FNDC1: variants seen among roughly 807,000 people sequenced by gnomAD.
FNDC1 encodes fibronectin type III domain-containing protein 1.
A neutral mutation model predicts 168.0 loss-of-function variants in FNDC1; 96 were observed. The ratio of observed to expected loss-of-function variants is 0.57; its 90% CI spans 0.48 to 0.68. The LOEUF is 0.68. Among genes scored for constraint, FNDC1 ranks in the 30% least tolerant of loss-of-function variants. The pLI, the probability that FNDC1 is intolerant of heterozygous loss-of-function variation, is 0.00. For missense variants in FNDC1, 2,587 were observed against 2,482.1 expected (o/e 1.04, Z -0.90); for synonymous variants, 1,099 against 1,025.9 (o/e 1.07, Z -1.36).
chr6:159,204,083 C>T (rs527699132), intron 4 of FNDC1, among the ~76,000 whole-genome samples: 15 of 152,186 alleles, frequency 9.9e-5, no homozygotes, highest in Admixed American at 2.6e-4. Flanking sequence ...TATTTTAGTT[C>T]GCGACGCTTG....
chr6:159,247,099 G>C (rs1192855248), intron 15 of FNDC1, 130 bp downstream of exon 15: 1 of 703,128 alleles, frequency 1.4e-6, no homozygotes, highest in African/African-American at 1.8e-5. Context: ...AATGCCGAGG[G>C]CTGGCTTAGG....
intron 1 of FNDC1, among the ~76,000 whole-genome samples, chr6:159,182,235 C>T (rs569545713): frequency 2.0e-5 from 3 of 152,262 alleles, no homozygotes; most frequent in South Asian, 2.1e-4. Flanking sequence ...AACAAGCATG[C>T]GGAATCTGAC....
intron 12 of FNDC1, among the ~76,000 whole-genome samples, chr6:159,236,783 T>C (rs776587402): frequency 6.6e-6 from 1 of 152,224 alleles, no homozygotes; most frequent in East Asian, 1.9e-4. Context: ...AAACCCTGAA[T>C]GATACTGGAA....
rs767205263 is a variant in FNDC1, at chr6:159,233,220, C to G, written c.2708C>G (p.Ser903Cys). The change falls in exon 11 of 23, where the codon TCC (serine) becomes TGC (cysteine). Residue 903 changes from serine (S) to cysteine (C), a missense_variant. Coordinates refer to ENST00000297267, the MANE Select transcript of FNDC1 (RefSeq NM_032532.3). This position sits in a 1 kb window ranked among gnomAD's most constrained non-coding sequence, Gnocchi z 4.6. ...HVPSSSRQPI[S>C]RGWEDLRRSP... ...CCTTCCTCCTCCAGGCAGCCCATCT[C>G]CCGGGGCTGGGAGGACTTAAGGAGA... The G allele has an allele frequency of 6.2e-7, 1 of 1,613,578 alleles. No individual in the cohort carries two copies. The highest frequency in any genetic ancestry group is 1.3e-5 in the African/African-American group (1 of 74,914).
chr6:159,251,267 C>T (rs1479181611), intron 16 of FNDC1, 35 bp from the exon 17 acceptor site: 3 of 1,536,802 alleles, frequency 2.0e-6, no homozygotes, highest in African/African-American at 2.7e-5. Context: ...AAAAAGCCTC[C>T]AGCAATCCAA....
chr6:159,232,985 T>A lies in FNDC1; in HGVS notation c.2473T>A (p.Phe825Ile). The change falls in exon 11 of 23, where the codon TTT becomes ATT. Residue 825 changes from phenylalanine to isoleucine, a missense_variant. Physicochemically the swap from Phe to Ile is conservative, Grantham distance 21. Transcript: ENST00000297267. This position sits in a 1 kb window ranked among gnomAD's most constrained non-coding sequence, Gnocchi z 4.9. The part of the protein sequence containing the change: ...GHFHLLRHKP[F>I]AANGRSPSRF... ...CTTCCATTTGCTCAGACACAAACCC[T>A]TTGCTGCCAACGGGAGGTCTCCAAG... 1 of 1,612,024 alleles carries A rather than the reference T, an allele frequency of 6.2e-7. No homozygotes were observed. Among genetic ancestry groups the A allele is most frequent in the Non-Finnish European group, 8.5e-7 (1 of 1,179,622 alleles).
intron 4 of FNDC1, among the ~76,000 whole-genome samples, chr6:159,203,548 G>A (rs1024320586): frequency 1.3e-5 from 2 of 152,116 alleles, no homozygotes; most frequent in Non-Finnish European, 2.9e-5. Flanking sequence ...CAGCAGTTTT[G>A]GCTCCTCTTG....
intron 1 of FNDC1, among the ~76,000 whole-genome samples, chr6:159,184,961 T>C (rs1265140055): frequency 1.3e-5 from 2 of 151,544 alleles, no homozygotes; most frequent in Non-Finnish European, 2.9e-5. Context: ...ATTTGCTCTT[T>C]AGGGCCTGTT....
intron 22 of FNDC1, among the ~76,000 whole-genome samples, chr6:159,269,507 C>T (rs369239906): frequency 0.017 from 1,974 of 114,658 alleles, 46 homozygotes; most frequent in Admixed American, 0.023. Flanking sequence ...TCTATCCATC[C>T]ATCCATGCAT....
At chr6:159,251,602 G>C in intron 17 of FNDC1, 70 bp downstream of exon 17, 4 of 1,324,268 alleles carry the variant, frequency 3.0e-6, no homozygotes, top group Non-Finnish European at 4.2e-6. Flanking sequence ...AAGAATGGTG[G>C]ATGAGTGGAT....
chr6:159,233,503 A>G lies in FNDC1; in HGVS notation c.2991A>G (p.Thr997=). The change falls in exon 11 of 23, where the codon ACA becomes ACG. Residue 997 remains threonine (T), a synonymous_variant. Transcript: ENST00000297267. This position sits in a 1 kb window ranked among gnomAD's most constrained non-coding sequence, Gnocchi z 4.6. ...QQHPSVPRRM[T]PGRAPQQQPP... ...ATCCCAGTGTTCCCAGAAGGATGAC[A>G]CCCGGCCGGGCCCCACAACAGCAGC... The G allele has an allele frequency of 6.2e-7, 1 of 1,602,816 alleles. No individual in the cohort carries two copies. The highest frequency in any genetic ancestry group is 1.1e-5 in the South Asian group (1 of 90,114).
At chr6:159,217,277 G>C (rs1447588036) in intron 5 of FNDC1, among the ~76,000 whole-genome samples, 1 of 152,206 alleles carries the variant, frequency 6.6e-6, no homozygotes, top group African/African-American at 2.4e-5. Context: ...AGCCAAGGCT[G>C]GCGCGGAAAC....
At chr6:159,198,865 G>A (rs1782310863) in intron 2 of FNDC1, among the ~76,000 whole-genome samples, 1 of 152,122 alleles carries the variant, frequency 6.6e-6, no homozygotes, top group Admixed American at 6.5e-5. Flanking sequence ...TCTGACCCCC[G>A]GGCATTTCCC....
intron 17 of FNDC1, among the ~76,000 whole-genome samples, chr6:159,255,842 G>A (rs1777359608): frequency 6.6e-6 from 1 of 152,232 alleles, no homozygotes; most frequent in Non-Finnish European, 1.5e-5. Flanking sequence ...GCTGTGGGAT[G>A]AACTTTACTT....
chr6:159,221,550 C>G, intron 5 of FNDC1, 48 bp from the exon 6 acceptor site: 1 of 1,458,250 alleles, frequency 6.9e-7, no homozygotes. Context: ...GATGTGTGTT[C>G]CTGAGAAATG....
chr6:159,175,538 C>T (rs1393141252), intron 1 of FNDC1, among the ~76,000 whole-genome samples: 1 of 152,196 alleles, frequency 6.6e-6, no homozygotes, highest in African/African-American at 2.4e-5. Context: ...ACTTCTGTAA[C>T]ATTGCTGTCG....
intron 6 of FNDC1, 45 bp from the exon 7 acceptor site, chr6:159,223,483 C>A: frequency 7.8e-7 from 1 of 1,288,554 alleles, no homozygotes; most frequent in Non-Finnish European, 1.1e-6. Flanking sequence ...AGGGCAGAAC[C>A]TGTTGTGAGA....
chr6:159,268,509 A>C (rs1777637244), intron 22 of FNDC1, among the ~76,000 whole-genome samples: 2 of 152,228 alleles, frequency 1.3e-5, no homozygotes, highest in South Asian at 4.1e-4. Flanking sequence ...AAATAAGCAT[A>C]TTAGTCAAGG....
intron 1 of FNDC1, among the ~76,000 whole-genome samples, chr6:159,186,212 T>A (rs969764512): frequency 6.6e-6 from 1 of 151,970 alleles, no homozygotes; most frequent in Non-Finnish European, 1.5e-5. Context: ...AGTTGGCGGG[T>A]GGTGGGGAAG....
Sources: gnomAD v4.1 joint callset for allele counts (sites outside exome capture counted in the v4.1 genomes callset) on GRCh38, gnomAD v4.1.1 for gene constraint, Gnocchi (gnomAD v3.1) non-coding constraint, MANE v1.5 for transcripts, NCBI Gene and HGNC (gene_info 2026-07-23, HGNC 2026-07-21) for gene names.